The following PHF3 variants were observed in gnomAD, a reference collection of about 807,000 sequenced individuals.
The protein encoded by PHF3 is PHD finger protein 3.
PHF3 carries 41 observed loss-of-function variants against 178.4 expected under a neutral mutation model. The ratio of observed to expected loss-of-function variants is 0.23; its 90% CI spans 0.18 to 0.30. The LOEUF is 0.30. Among genes scored for constraint, PHF3 ranks in the 10% least tolerant of loss-of-function variants. The pLI is 1.00. For synonymous variants in PHF3, 842 were observed against 800.5 expected, an observed-to-expected ratio of 1.05 and a Z score of -0.88; for missense variants, 2,346 against 2,398.1, an observed-to-expected ratio of 0.98 and a Z score of 0.45.
rs763027719 is a variant in PHF3, at chr6:63,704,151, CT to C, written c.3367+481del. Among the ~76,000 whole-genome samples the C allele has an allele frequency of 2.0e-5, 3 of 152,220 alleles. No homozygotes were observed. The East Asian group carries it at 5.8e-4, about 29-fold the overall frequency. ...GAAGTTACAGAGATTTCTCACATAC[CT>C]GCTGCCTCCCTACGTGCATAGTCTC... is the stretch of plus-strand genomic sequence containing the variant. On this transcript the variant is annotated intron_variant, in intron 11 of 15. Coordinates refer to ENST00000262043, the MANE Select transcript of PHF3 (RefSeq NM_001370348.2).
At chr6:63,693,875 G>A (rs1767114923) in intron 5 of PHF3, among the ~76,000 whole-genome samples, 2 of 152,202 alleles carry the variant, frequency 1.3e-5, no homozygotes, top group South Asian at 4.1e-4. Context: ...GTGTGGCATA[G>A]CACTACGTGC....
At chr6:63,660,216 T>G (rs1044991820) in intron 2 of PHF3, among the ~76,000 whole-genome samples, 1 of 152,104 alleles carries the variant, frequency 6.6e-6, no homozygotes, top group African/African-American at 2.4e-5. Flanking sequence ...CCAGTGATTT[T>G]GTTAATCTTG....
Position 63,723,431 on chromosome 6 carries a change from A to C in PHF3, c.*9723A>C, listed in dbSNP as rs983985353. 1.3e-5 allele frequency among the ~76,000 whole-genome samples: 2 copies of C among 152,194 alleles called. No homozygotes were observed. Among genetic ancestry groups the C allele is most frequent in the South Asian group, 4.1e-4 (2 of 4,824 alleles). ...TGAACACAAACCAGTTATCTTTTGC[A>C]AGATTATGGAGGAAGCTTTTCTTGC... is the stretch of plus-strand genomic sequence containing the variant. On this transcript the variant is annotated 3_prime_UTR_variant, in exon 16 of 16. Coordinates refer to ENST00000262043, the MANE Select transcript of PHF3 (RefSeq NM_001370348.2).
chr6:63,685,642 T>C lies in PHF3; in HGVS notation c.1920T>C (p.Asn640=). The C allele has an allele frequency of 1.2e-6, 2 of 1,613,896 alleles. No individual in the cohort carries two copies. Among genetic ancestry groups the C allele is most frequent in the East Asian group, 2.2e-5 (1 of 44,866 alleles). ...PQQQAPAMKT[N]SHVKEELEHP... ...AACAGGCCCCAGCAATGAAAACCAATAGTCACGTGAAGGAAGAGCTTGAAC... is the reference window on the plus strand; with the variant it reads ...AACAGGCCCCAGCAATGAAAACCAACAGTCACGTGAAGGAAGAGCTTGAAC... Residue 640 remains asparagine, a synonymous_variant, in exon 4 of 16, where the codon AAT becomes AAC. Coordinates refer to ENST00000262043, the MANE Select transcript of PHF3 (RefSeq NM_001370348.2).
At chr6:63,654,358 A>G (rs2149548316) in intron 2 of PHF3, among the ~76,000 whole-genome samples, 1 of 152,332 alleles carries the variant, frequency 6.6e-6, no homozygotes, top group South Asian at 2.1e-4. Flanking sequence ...GGTTAAGACA[A>G]AGTATATACT....
intron 1 of PHF3, among the ~76,000 whole-genome samples, chr6:63,640,758 A>G (rs1181773849): frequency 6.6e-6 from 1 of 152,226 alleles, no homozygotes; most frequent in Non-Finnish European, 1.5e-5. Context: ...TATAATCAGG[A>G]TAATAATATA....
intron 1 of PHF3, among the ~76,000 whole-genome samples, chr6:63,639,248 TAG>T (rs1764475368): frequency 6.6e-6 from 1 of 152,178 alleles, no homozygotes; most frequent in African/African-American, 2.4e-5. Context: ...CTAACTTTAT[TAG>T]ACAGTTTCGA....
At position 63,668,848 on chromosome 6, in the gene PHF3, T is replaced by G. The variant is rs572113809; in HGVS notation, c.245-11152T>G. On this transcript the variant is annotated intron_variant, in intron 2 of 15. Transcript: ENST00000262043. ...CTTCTAAAAGTACTTGCTGATTTTT[T>G]TTCATTCTGCGATTTTTAATTTTGG... Among the ~76,000 whole-genome samples, 7 of 152,368 alleles carry G rather than the reference T, an allele frequency of 4.6e-5. No individual in the cohort carries two copies. The South Asian group carries it at 1.4e-3, about 32-fold the overall frequency.
chr6:63,638,527 A>G (rs2149532398), intron 1 of PHF3, among the ~76,000 whole-genome samples: 1 of 152,156 alleles, frequency 6.6e-6, no homozygotes, highest in Middle Eastern at 3.4e-3. Flanking sequence ...TCTGTTTTTT[A>G]GTGAGATAAT....
rs935993081 is a variant in PHF3 at position 63,724,161 on chromosome 6, G to A, written c.*10453G>A. Among the ~76,000 whole-genome samples the A allele has an allele frequency of 2.0e-5, 3 of 152,096 alleles. No homozygotes were observed. Among genetic ancestry groups the A allele is most frequent in the Non-Finnish European group, 4.4e-5 (3 of 68,018 alleles). On this transcript the variant is annotated 3_prime_UTR_variant, in exon 16 of 16. Transcript: ENST00000262043. ...ATGAACAGTCCTTACAAGAAACAGA[G>A]CTCAAATAGGATAAAGATCATAAAT...
At chr6:63,661,117 C>T (rs1348696121) in intron 2 of PHF3, among the ~76,000 whole-genome samples, 3 of 152,164 alleles carry the variant, frequency 2.0e-5, no homozygotes, top group Admixed American at 6.5e-5. Context: ...ACAGTTCTTG[C>T]AGTTCTCAAC....
At chr6:63,706,456 A>G (rs914937216) in intron 12 of PHF3, among the ~76,000 whole-genome samples, 1 of 152,180 alleles carries the variant, frequency 6.6e-6, no homozygotes, top group Non-Finnish European at 1.5e-5. Flanking sequence ...CTCTTTAATT[A>G]TGCTGGTCCC....
At chr6:63,687,849 C>T (rs573278123) in intron 4 of PHF3, among the ~76,000 whole-genome samples, 91 of 152,234 alleles carry the variant, frequency 6.0e-4, no homozygotes, top group Non-Finnish European at 1.1e-3. Flanking sequence ...TGTTTTTGCT[C>T]AAGTCTGTAG....
At chr6:63,640,525 A>G (rs1764527281) in intron 1 of PHF3, among the ~76,000 whole-genome samples, 1 of 152,226 alleles carries the variant, frequency 6.6e-6, no homozygotes, top group Admixed American at 6.5e-5. Context: ...TGCCTTGCAC[A>G]CAGTAAATAT....
At chr6:63,663,456 C>T (rs1326495978) in intron 2 of PHF3, among the ~76,000 whole-genome samples, 1 of 152,114 alleles carries the variant, frequency 6.6e-6, no homozygotes, top group Admixed American at 6.6e-5. Context: ...TAGATTTCTC[C>T]AAATCATAGA....
At chr6:63,707,721 CTGTCT>C (rs1767752599) in intron 13 of PHF3, among the ~76,000 whole-genome samples, 1 of 146,108 alleles carries the variant, frequency 6.8e-6, no homozygotes, top group African/African-American at 2.6e-5. Context: ...AATCATTTGC[CTGTCT>C]TTTTTTTTTT....
intron 1 of PHF3, among the ~76,000 whole-genome samples, chr6:63,644,095 A>G (rs927153802): frequency 1.3e-5 from 2 of 152,296 alleles, no homozygotes; most frequent in East Asian, 1.9e-4. Context: ...TGCTGGCCTC[A>G]TGTTGCTATG....
At chr6:63,698,120 C>T in intron 6 of PHF3, 103 bp from the exon 7 acceptor site, 1 of 900,382 alleles carries the variant, frequency 1.1e-6, no homozygotes. Flanking sequence ...GATCTTATTT[C>T]TAAATAGTGA....
In PHF3 at chr6:63,712,032, G is replaced by T; in HGVS notation, c.4444G>T (p.Asp1482Tyr). Residue 1482 changes from aspartate to tyrosine, a missense_variant, in exon 16 of 16, where the codon GAC becomes TAC. Around this residue, in one of 8 missense-constraint regions of PHF3, gnomAD observed 839 missense variants for 806.9 expected, o/e 1.04. Transcript: ENST00000262043. ...SLLGTTGQVY[D>Y]QAQSVMEQNT... Reference sequence around the variant, plus strand: ...TTTGGGCACCACTGGTCAAGTATATGACCAGGCCCAGTCAGTGATGGAACA... The same window carrying T: ...TTTGGGCACCACTGGTCAAGTATATTACCAGGCCCAGTCAGTGATGGAACA... 6.2e-7 allele frequency: 1 copy of T among 1,613,706 alleles called. No homozygotes were observed. Among genetic ancestry groups the T allele is most frequent in the South Asian group, 1.1e-5 (1 of 91,034 alleles).
Sources: gnomAD v4.1 joint callset for allele counts (sites outside exome capture counted in the v4.1 genomes callset) on GRCh38, gnomAD v4.1.1 for gene constraint, gnomAD v4.1.1 regional missense constraint, MANE v1.5 for transcripts, NCBI Gene and HGNC (gene_info 2026-07-23, HGNC 2026-07-21) for gene names.